ZC3H18: variants seen among roughly 807,000 people sequenced by gnomAD.
ZC3H18 encodes the protein zinc finger CCCH-type containing 18.
A neutral mutation model predicts 106.1 loss-of-function variants in ZC3H18; 8 were observed. The observed-to-expected ratio is 0.08, with a 90% CI of 0.04 to 0.14. The LOEUF is 0.14. ZC3H18 is among the 10% of genes least tolerant of loss of function. The pLI is 1.00. For missense variants in ZC3H18, 1,318 were observed against 1,278.4 expected, an observed-to-expected ratio of 1.03 and a Z score of -0.47; for synonymous variants, 635 against 522.1, an observed-to-expected ratio of 1.22 and a Z score of -2.95.
intron 8 of ZC3H18, among the ~76,000 whole-genome samples, chr16:88,613,018 A>G (rs1293589490): frequency 2.0e-5 from 3 of 152,118 alleles, no homozygotes; most frequent in Non-Finnish European, 2.9e-5. Flanking sequence ...AAAAAGAAGA[A>G]ACATTGTACC....
Position 88,631,779 on chromosome 16 carries a change from T to C in ZC3H18, c.*480T>C. 1 of 324,470 alleles carries C rather than the reference T, an allele frequency of 3.1e-6. No individual in the cohort carries two copies. Among genetic ancestry groups the C allele is most frequent in the South Asian group, 2.3e-5 (1 of 43,860 alleles). The allele number at this position is 324,470 out of a possible 1,614,324, so 20.1% of individuals were successfully genotyped here. On this transcript the variant is annotated 3_prime_UTR_variant, in exon 18 of 18. Coordinates refer to ENST00000301011, the MANE Select transcript of ZC3H18 (RefSeq NM_144604.4). ...CCGGATCAGAAATATATCTATATTC[T>C]CGACTAAAGTCTCATCAGGAAATAT...
intron 8 of ZC3H18, among the ~76,000 whole-genome samples, chr16:88,619,719 G>A (rs549489386): frequency 1.3e-5 from 2 of 152,198 alleles, no homozygotes; most frequent in Non-Finnish European, 1.5e-5. Context: ...CCCCCTCACC[G>A]CAGCTAGGAC....
At chr16:88,604,316 A>T (rs1052477044) in intron 6 of ZC3H18, among the ~76,000 whole-genome samples, 3 of 150,296 alleles carry the variant, frequency 2.0e-5, no homozygotes, top group African/African-American at 7.4e-5. Flanking sequence ...GTGCCACTGC[A>T]CTCCAGCCTG....
At chr16:88,574,039 A>C (rs1025848694) in intron 1 of ZC3H18, among the ~76,000 whole-genome samples, 2 of 151,686 alleles carry the variant, frequency 1.3e-5, no homozygotes, top group African/African-American at 4.8e-5. Flanking sequence ...ATGCCCAGCT[A>C]ATGTTTTGTA....
intron 1 of ZC3H18, among the ~76,000 whole-genome samples, chr16:88,573,210 G>T (rs770355720): frequency 1.1e-4 from 17 of 152,090 alleles, no homozygotes; most frequent in Non-Finnish European, 2.1e-4. Flanking sequence ...TCAGCTTGGG[G>T]CATCCTACTG....
chr16:88,571,366 G>A (rs901186398), intron 1 of ZC3H18, among the ~76,000 whole-genome samples: 5 of 152,148 alleles, frequency 3.3e-5, no homozygotes, highest in Non-Finnish European at 5.9e-5. Flanking sequence ...TACCGTTTGG[G>A]GTGTAGCAAG....
At chr16:88,592,753 TATA>T (rs1915826815) in intron 3 of ZC3H18, among the ~76,000 whole-genome samples, 3 of 152,186 alleles carry the variant, frequency 2.0e-5, no homozygotes. Flanking sequence ...AAACTATATT[TATA>T]ATAACAGTAA....
At position 88,578,795 on chromosome 16, in the gene ZC3H18, A is replaced by G. The variant is rs559120067; in HGVS notation, c.603+1069A>G. ...CAGCCTCTACCCCCAGGTTCAGGCA[A>G]TTATCCTGCCTCAGCCTCCTGAGTA... On this transcript the variant is annotated intron_variant, in intron 2 of 17. Transcript: ENST00000301011. Among the ~76,000 whole-genome samples, 16 of 152,212 alleles carry G rather than the reference A, an allele frequency of 1.1e-4. No homozygotes were observed. The East Asian group carries it at 1.9e-3, about 18-fold the overall frequency.
chr16:88,573,373 G>T (rs988517444), intron 1 of ZC3H18, among the ~76,000 whole-genome samples: 2 of 152,020 alleles, frequency 1.3e-5, no homozygotes, highest in Admixed American at 1.3e-4. Flanking sequence ...TTGCCAGTTT[G>T]CCACCGGTGA....
intron 3 of ZC3H18, among the ~76,000 whole-genome samples, chr16:88,592,035 C>T (rs551134094): frequency 5.3e-5 from 8 of 152,152 alleles, no homozygotes; most frequent in Non-Finnish European, 1.0e-4. Context: ...TTTGCGGAGC[C>T]GCTGGCAGTG....
intron 16 of ZC3H18, chr16:88,630,181 A>G: frequency 2.8e-6 from 1 of 353,284 alleles, no homozygotes; most frequent in East Asian, 5.2e-5. Flanking sequence ...GTTGTTCCGT[A>G]TTTGAAGACC....
chr16:88,571,455 T>A (rs568764722), intron 1 of ZC3H18, among the ~76,000 whole-genome samples: 1 of 152,320 alleles, frequency 6.6e-6, no homozygotes, highest in African/African-American at 2.4e-5. Flanking sequence ...GTAGTTGGGA[T>A]TATCCGGGTG....
At chr16:88,591,407 T>G (rs1000077952) in intron 3 of ZC3H18, among the ~76,000 whole-genome samples, 1 of 152,164 alleles carries the variant, frequency 6.6e-6, no homozygotes, top group Admixed American at 6.5e-5. Flanking sequence ...ACCCTGTCTC[T>G]ACTAAAAATA....
chr16:88,603,832 A>G (rs1483595977), intron 6 of ZC3H18, among the ~76,000 whole-genome samples: 1 of 145,376 alleles, frequency 6.9e-6, no homozygotes, highest in African/African-American at 2.6e-5. Context: ...ATGGGGTTTC[A>G]CCATGTTAGC....
chr16:88,630,819 C>T (rs556722587), intron 17 of ZC3H18, among the ~76,000 whole-genome samples: 6 of 149,400 alleles, frequency 4.0e-5, no homozygotes, highest in Middle Eastern at 3.4e-3. Context: ...CCCTCTGCTC[C>T]GCATGCCCTT....
At chr16:88,583,674 C>G (rs1024678325) in intron 2 of ZC3H18, among the ~76,000 whole-genome samples, 1 of 152,228 alleles carries the variant, frequency 6.6e-6, no homozygotes, top group African/African-American at 2.4e-5. Context: ...AAAGCACCAG[C>G]AGGAGTGTGC....
At chr16:88,572,843 C>G (rs1914497683) in intron 1 of ZC3H18, among the ~76,000 whole-genome samples, 1 of 152,016 alleles carries the variant, frequency 6.6e-6, no homozygotes, top group Non-Finnish European at 1.5e-5. Flanking sequence ...CTGCAACCTC[C>G]TCCTCCTGGG....
At chr16:88,608,011 G>A (rs1228386096) in intron 6 of ZC3H18, among the ~76,000 whole-genome samples, 1 of 152,114 alleles carries the variant, frequency 6.6e-6, no homozygotes, top group Admixed American at 6.5e-5. Context: ...GTTATAATCT[G>A]TGTCTGTGAA....
In ZC3H18 at chr16:88,611,387, C is replaced by CGACAAG. The variant is rs1567592352; in HGVS notation, c.1329_1334dup (p.Asp443_Lys444dup). The CGACAAG allele has an allele frequency of 8.6e-7, 1 of 1,166,584 alleles. No individual in the cohort carries two copies. Among genetic ancestry groups the CGACAAG allele is most frequent in the Non-Finnish European group, 1.3e-6 (1 of 796,176 alleles). The allele number at this position is 1,166,584 out of a possible 1,614,324, so 72.3% of individuals were successfully genotyped here. On this transcript the variant is annotated inframe_insertion, in exon 8 of 18. Coordinates refer to ENST00000301011, the MANE Select transcript of ZC3H18 (RefSeq NM_144604.4). ...GCGAGCGAGAGCGGGAGCGCGAGCG[C>CGACAAG]GACAAGGAGCGGCAGCGGAGGAAGG...
Sources: gnomAD v4.1 joint callset for allele counts (sites outside exome capture counted in the v4.1 genomes callset) on GRCh38, gnomAD v4.1.1 for gene constraint, MANE v1.5 for transcripts, NCBI Gene and HGNC (gene_info 2026-07-23, HGNC 2026-07-21) for gene names.